SPECC1L: variants seen among roughly 807,000 people sequenced by gnomAD.
SPECC1L encodes cytospin-A.
Under a neutral mutation model 116.8 loss-of-function variants are expected in SPECC1L, and 40 were observed. That is an observed-to-expected ratio of 0.34 (90% CI 0.27 to 0.45). The LOEUF is 0.45. Among genes scored for constraint, SPECC1L ranks in the 20% least tolerant of loss-of-function variants. The pLI is 1.00. For missense variants in SPECC1L, 1,110 were observed against 1,373.6 expected (o/e 0.81, Z 3.03); for synonymous variants, 504 against 500.6 (o/e 1.01, Z -0.09).
chr22:24,316,201 TTCTG>T (rs751929733), intron 4 of SPECC1L, among the ~76,000 whole-genome samples: 27 of 152,246 alleles, frequency 1.8e-4, no homozygotes, highest in Non-Finnish European at 3.8e-4. Flanking sequence ...CCTCAGATTA[TTCTG>T]TCTACTCATT....
intron 11 of SPECC1L, among the ~76,000 whole-genome samples, chr22:24,350,533 G>A (rs2041400428): frequency 6.6e-6 from 1 of 152,130 alleles, no homozygotes; most frequent in African/African-American, 2.4e-5. Flanking sequence ...TAGCACAAGT[G>A]GCTGAGAATG....
At position 24,322,109 on chromosome 22, in the gene SPECC1L, A is replaced by G. The variant is rs201943531; in HGVS notation, c.1129A>G (p.Ile377Val). ...SSSESEGIPS[I>V]ERSRKGSSGN... ...CTCAGAGTCGGAAGGCATCCCCAGC[A>G]TAGAGCGCTCCCGGAAGGGGAGCAG... The change falls in exon 5 of 17, where the codon ATA (isoleucine) becomes GTA (valine). Residue 377 changes from isoleucine (I) to valine (V), a missense_variant. Ile to Val is a conservative substitution (Grantham distance 29). Around this residue, in one of 4 missense-constraint regions of SPECC1L, gnomAD observed 437 missense variants for 482.6 expected, o/e 0.91. Transcript: ENST00000314328. 2.5e-5 allele frequency: 40 copies of G among 1,614,016 alleles called. No individual in the cohort carries two copies. Among genetic ancestry groups the G allele is most frequent in the Non-Finnish European group, 2.7e-5 (32 of 1,180,038 alleles).
At chr22:24,387,858 A>C (rs78200793) in intron 14 of SPECC1L, among the ~76,000 whole-genome samples, 5,126 of 152,184 alleles carry the variant, frequency 0.034, 174 homozygotes, top group African/African-American at 0.082. Flanking sequence ...TCTTTTCTCA[A>C]GCTTTAGGGG....
chr22:24,278,147 T>G (rs534441811), intron 2 of SPECC1L, among the ~76,000 whole-genome samples: 17 of 152,164 alleles, frequency 1.1e-4, no homozygotes, highest in Admixed American at 8.5e-4. Context: ...TTGAGCCTAG[T>G]AGTTTGAGAC....
intron 2 of SPECC1L, among the ~76,000 whole-genome samples, chr22:24,288,553 G>A (rs1221176736): frequency 2.9e-5 from 4 of 139,770 alleles, no homozygotes; most frequent in Non-Finnish European, 6.1e-5. Flanking sequence ...TTACTACACT[G>A]AATTTGAATT....
intron 14 of SPECC1L, among the ~76,000 whole-genome samples, chr22:24,382,686 CAG>C (rs921337023): frequency 5.1e-5 from 6 of 117,278 alleles, no homozygotes; most frequent in Non-Finnish European, 9.8e-5. Flanking sequence ...GCCTGGGCAA[CAG>C]AGCAAGACTC....
chr22:24,383,751 C>G (rs1481890192), intron 14 of SPECC1L, among the ~76,000 whole-genome samples: 3 of 145,896 alleles, frequency 2.1e-5, no homozygotes, highest in Non-Finnish European at 4.5e-5. Flanking sequence ...ATGCTCCTGC[C>G]TTAACCTGTT....
intron 2 of SPECC1L, among the ~76,000 whole-genome samples, chr22:24,286,449 A>G (rs2049045162): frequency 6.6e-6 from 1 of 152,220 alleles, no homozygotes; most frequent in African/African-American, 2.4e-5. Context: ...AGATAAAGAC[A>G]TAGGTGAAGC....
At chr22:24,279,435 C>T (rs1052075378) in intron 2 of SPECC1L, among the ~76,000 whole-genome samples, 4 of 152,162 alleles carry the variant, frequency 2.6e-5, no homozygotes, top group African/African-American at 9.7e-5. Flanking sequence ...CACTATTTTG[C>T]ACAGGCTGGT....
At chr22:24,317,146 A>G (rs1601542879) in intron 4 of SPECC1L, among the ~76,000 whole-genome samples, 1 of 61,890 alleles carries the variant, frequency 1.6e-5, no homozygotes, top group African/African-American at 6.7e-5. Flanking sequence ...TGACCCCCCT[A>G]CCTCCCTCCC....
At chr22:24,375,985 A>G (rs539076606) in intron 14 of SPECC1L, among the ~76,000 whole-genome samples, 3 of 152,200 alleles carry the variant, frequency 2.0e-5, no homozygotes, top group African/African-American at 7.2e-5. Context: ...AAAACAAAAA[A>G]AACCCACAGT....
chr22:24,276,396 G>A (rs1228525787), intron 1 of SPECC1L, among the ~76,000 whole-genome samples: 3 of 152,126 alleles, frequency 2.0e-5, no homozygotes, highest in Non-Finnish European at 4.4e-5. Context: ...TCACACCACT[G>A]TTCTCCAGCC....
intron 10 of SPECC1L, among the ~76,000 whole-genome samples, chr22:24,341,500 C>T (rs1385699186): frequency 6.6e-6 from 1 of 152,154 alleles, no homozygotes. Flanking sequence ...ACTAAATACC[C>T]TCAGAGTAAA....
At chr22:24,384,334 A>G (rs990512205) in intron 14 of SPECC1L, among the ~76,000 whole-genome samples, 3 of 152,220 alleles carry the variant, frequency 2.0e-5, no homozygotes, top group Non-Finnish European at 4.4e-5. Flanking sequence ...CAGCAGGCCC[A>G]TTCTGAAAGA....
In SPECC1L at chr22:24,416,466, A is replaced by T. The variant is rs953255989; in HGVS notation, c.*1843A>T. ...GTTGATGGCCAGCTCTGCTGTTGGC[A>T]TGAGCCACTGATGTTCATGTGAGAA... On this transcript the variant is annotated 3_prime_UTR_variant, in exon 17 of 17. Transcript: ENST00000314328. 6.6e-6 allele frequency: 1 copy of T among 152,298 alleles called. No homozygotes were observed. The highest frequency in any genetic ancestry group is 1.5e-5 in the Non-Finnish European group (1 of 68,086). 9.4% of individuals were successfully genotyped at this position (152,298 alleles called of 1,614,324 possible).
At chr22:24,332,655 G>A (rs1012577230) in intron 8 of SPECC1L, among the ~76,000 whole-genome samples, 1 of 151,480 alleles carries the variant, frequency 6.6e-6, no homozygotes, top group Admixed American at 6.6e-5. Context: ...TCTTAAGCCA[G>A]ACATTAAAGA....
At chr22:24,313,178 C>T (rs544818705) in intron 3 of SPECC1L, 135 bp from the exon 4 acceptor site, 5 of 810,626 alleles carry the variant, frequency 6.2e-6, no homozygotes, top group Non-Finnish European at 1.0e-5. Context: ...GTATGGTGTG[C>T]TGCTTACTAC....
chr22:24,272,018 G>A (rs1293714395), intron 1 of SPECC1L, among the ~76,000 whole-genome samples: 1 of 152,226 alleles, frequency 6.6e-6, no homozygotes, highest in African/African-American at 2.4e-5. Flanking sequence ...TGGCTTCAGG[G>A]AGTGGAGGGG....
chr22:24,329,112 A>G (rs535127824), intron 7 of SPECC1L, among the ~76,000 whole-genome samples, 193 bp downstream of exon 7: 2 of 152,316 alleles, frequency 1.3e-5, no homozygotes, highest in East Asian at 3.9e-4. Flanking sequence ...AGAAGAATGT[A>G]CTATAGGTTG....
Sources: gnomAD v4.1 joint callset for allele counts (sites outside exome capture counted in the v4.1 genomes callset) on GRCh38, gnomAD v4.1.1 for gene constraint, gnomAD v4.1.1 regional missense constraint, MANE v1.5 for transcripts, NCBI Gene and HGNC (gene_info 2026-07-23, HGNC 2026-07-21) for gene names.